Variants in RALYL observed in about 807,000 individuals in gnomAD.
The protein encoded by RALYL is RALY RNA binding protein like.
A neutral mutation model predicts 35.1 loss-of-function variants in RALYL; 29 were observed. That is an observed-to-expected ratio of 0.83 (90% CI 0.61 to 1.13). The LOEUF is 1.13. Ranked by LOEUF, RALYL falls within the 50% of genes most tolerant of loss-of-function variation. The pLI, the probability that RALYL is intolerant of heterozygous loss-of-function variation, is 0.00. For synonymous variants in RALYL, 120 were observed against 127.6 expected (o/e 0.94, Z 0.40); for missense variants, 359 against 360.4 (o/e 1.00, Z 0.03).
At chr8:84,473,096 A>G (rs2052980864) in intron 1 of RALYL, among the ~76,000 whole-genome samples, 1 of 152,222 alleles carries the variant, frequency 6.6e-6, no homozygotes, top group Non-Finnish European at 1.5e-5. Flanking sequence ...GGGCAGGGCT[A>G]CCCAGGTTTA....
chr8:84,438,940 A>G (rs1315235358), intron 1 of RALYL, among the ~76,000 whole-genome samples: 1 of 121,164 alleles, frequency 8.3e-6, no homozygotes, highest in Admixed American at 8.4e-5. Context: ...CCCTTGGTCT[A>G]TGTATCTTTT....
intron 1 of RALYL, among the ~76,000 whole-genome samples, chr8:84,425,249 G>T (rs1387357803): frequency 6.6e-6 from 1 of 151,626 alleles, no homozygotes; most frequent in African/African-American, 2.4e-5. Context: ...ATATAGTCTC[G>T]TGGTGCGCCG....
intron 1 of RALYL, among the ~76,000 whole-genome samples, chr8:84,444,813 C>T (rs2048693739): frequency 6.6e-6 from 1 of 151,930 alleles, no homozygotes; most frequent in African/African-American, 2.4e-5. Flanking sequence ...TTGAAAAATG[C>T]CATTTTGTTT....
chr8:84,627,055 TTGC>T (rs1822891358), intron 2 of RALYL, among the ~76,000 whole-genome samples: 2 of 152,146 alleles, frequency 1.3e-5, no homozygotes, highest in African/African-American at 4.8e-5. Context: ...TGGTACACTC[TTGC>T]TCTTTAACAA....
chr8:84,524,987 TC>T (rs1437711411), intron 1 of RALYL, among the ~76,000 whole-genome samples: 18 of 103,582 alleles, frequency 1.7e-4, no homozygotes, highest in Admixed American at 6.0e-4. Context: ...GAAGGCAAGA[TC>T]CCTGTTAGCC....
At chr8:84,853,140 A>C (rs1425115215) in intron 5 of RALYL, among the ~76,000 whole-genome samples, 1 of 152,202 alleles carries the variant, frequency 6.6e-6, no homozygotes, top group African/African-American at 2.4e-5. Flanking sequence ...AGCTAGGAAT[A>C]AATACCTAAC....
At chr8:84,316,641 A>T (rs1309460813) in intron 1 of RALYL, among the ~76,000 whole-genome samples, 1 of 152,106 alleles carries the variant, frequency 6.6e-6, no homozygotes, top group Non-Finnish European at 1.5e-5. Flanking sequence ...TTATTAAAGC[A>T]TGTTCAAATG....
At chr8:84,820,961 T>C (rs1828387833) in intron 4 of RALYL, among the ~76,000 whole-genome samples, 1 of 152,180 alleles carries the variant, frequency 6.6e-6, no homozygotes, top group Non-Finnish European at 1.5e-5. Flanking sequence ...GATCTTAGTC[T>C]CATATACTTT....
At chr8:84,492,757 CA>C (rs1293306564) in intron 1 of RALYL, among the ~76,000 whole-genome samples, 2 of 147,518 alleles carry the variant, frequency 1.4e-5, no homozygotes, top group African/African-American at 2.7e-5. Flanking sequence ...ATATATCTTT[CA>C]AAAGGTATTA....
chr8:84,729,681 A>C (rs1275005123), intron 2 of RALYL, among the ~76,000 whole-genome samples: 1 of 152,128 alleles, frequency 6.6e-6, no homozygotes, highest in Non-Finnish European at 1.5e-5. Flanking sequence ...AATAGACGCA[A>C]TAAAAAATGA....
At chr8:84,482,713 T>A (rs1330452049) in intron 1 of RALYL, among the ~76,000 whole-genome samples, 1 of 152,096 alleles carries the variant, frequency 6.6e-6, no homozygotes, top group Non-Finnish European at 1.5e-5. Context: ...TCTAGGGAGC[T>A]GTGTGTCTGT....
intron 6 of RALYL, among the ~76,000 whole-genome samples, chr8:84,869,127 G>A (rs6990976): frequency 0.52 from 79,389 of 151,656 alleles, 22,308 homozygotes; most frequent in African/African-American, 0.72. Flanking sequence ...ATTGAATTAA[G>A]CACAGTGATT....
In RALYL at chr8:84,185,146, G is replaced by A. The variant is rs185481213; in HGVS notation, c.-24+722G>A. ...CTGCTGGTGTCGTCTTCCAGGGGAT[G>A]GGGAAATAGTTTCTTATAAGATGAT... On this transcript the variant is annotated intron_variant, in intron 1 of 8. Transcript: ENST00000521268. The A allele has an allele frequency of 9.0e-5, 81 of 900,774 alleles. No individual in the cohort carries two copies. In the African/African-American group the frequency reaches 1.3e-3, roughly 14 times the overall value. 55.8% of individuals were successfully genotyped at this position (900,774 alleles called of 1,614,324 possible). A position where few individuals can be genotyped will look rare whatever the true frequency, so the allele number is the denominator to read the frequency against.
intron 2 of RALYL, among the ~76,000 whole-genome samples, chr8:84,690,618 A>T (rs372664874): frequency 2.0e-5 from 3 of 152,126 alleles, no homozygotes; most frequent in African/African-American, 7.2e-5. Flanking sequence ...AATATATACA[A>T]TTTTTATCTG....
Position 84,254,895 on chromosome 8 carries a change from CCAAA to C in RALYL, c.-24+70475_-24+70478del, listed in dbSNP as rs1212718277. Among the ~76,000 whole-genome samples, 5 of 152,072 alleles carry C rather than the reference CCAAA, an allele frequency of 3.3e-5. No homozygotes were observed. The East Asian group carries it at 7.8e-4, about 24-fold the overall frequency. On this transcript the variant is annotated intron_variant, in intron 1 of 8. Coordinates refer to ENST00000521268, the MANE Select transcript of RALYL (RefSeq NM_173848.7). ...AGAATGATGAATGCAGGAGGAACTA[CCAAA>C]CAATCATAAAACCATCAGATGTCGT...
intron 8 of RALYL, among the ~76,000 whole-genome samples, chr8:84,890,050 T>C (rs918408258): frequency 1.3e-5 from 2 of 152,254 alleles, no homozygotes; most frequent in African/African-American, 4.8e-5. Context: ...ATCTGTCAGA[T>C]AATGCCATTT....
At chr8:84,504,647 G>A (rs9657052) in intron 1 of RALYL, among the ~76,000 whole-genome samples, 4,446 of 152,196 alleles carry the variant, frequency 0.029, 109 homozygotes, top group Middle Eastern at 0.078. Flanking sequence ...AAAAGAATGA[G>A]TAACTGTGCA....
chr8:84,669,626 T>A (rs1199880875), intron 2 of RALYL, among the ~76,000 whole-genome samples: 1 of 151,964 alleles, frequency 6.6e-6, no homozygotes, highest in Non-Finnish European at 1.5e-5. Context: ...TTGCTTAAGA[T>A]TCTGGAGCTG....
At chr8:84,649,758 A>T (rs1282662942) in intron 2 of RALYL, among the ~76,000 whole-genome samples, 5 of 151,970 alleles carry the variant, frequency 3.3e-5, no homozygotes, top group Non-Finnish European at 5.9e-5. Flanking sequence ...TGACTTGGTG[A>T]TGTGGGCTCT....
Sources: allele counts gnomAD v4.1 joint callset (sites outside exome capture counted in the v4.1 genomes callset), GRCh38; gene constraint gnomAD v4.1.1; transcripts MANE v1.5; gene names NCBI Gene and HGNC (gene_info 2026-07-23, HGNC 2026-07-21).